GUCY1A2: variants seen among roughly 807,000 people sequenced by gnomAD.
GUCY1A2 encodes guanylate cyclase 1 soluble subunit alpha 2.
GUCY1A2 carries 27 observed loss-of-function variants against 63.5 expected under a neutral mutation model. The ratio of observed to expected loss-of-function variants is 0.43; its 90% CI spans 0.31 to 0.59. GUCY1A2 has a LOEUF of 0.59. GUCY1A2 is among the 20% of genes least tolerant of loss of function. GUCY1A2 has a pLI of 0.11. For missense variants in GUCY1A2, 768 were observed against 913.3 expected (o/e 0.84, Z 2.05); for synonymous variants, 364 against 343.5 (o/e 1.06, Z -0.66).
At chr11:106,757,820 A>C (rs1864000093) in intron 6 of GUCY1A2, among the ~76,000 whole-genome samples, 2 of 152,184 alleles carry the variant, frequency 1.3e-5, no homozygotes, top group South Asian at 4.1e-4. Context: ...CAGTTAGGCT[A>C]CATGGGGGTC....
Position 106,674,881 on chromosome 11 carries a change from G to C in GUCY1A2, c.*12668C>G. 4.6e-6 allele frequency: 1 copy of C among 217,626 alleles called. No individual in the cohort carries two copies. Among genetic ancestry groups the C allele is most frequent in the Non-Finnish European group, 9.2e-6 (1 of 108,242 alleles). 13.5% of individuals were successfully genotyped at this position (217,626 alleles called of 1,614,324 possible). On this transcript the variant is annotated 3_prime_UTR_variant, in exon 8 of 8. Coordinates refer to ENST00000526355, the MANE Select transcript of GUCY1A2 (RefSeq NM_000855.3). ...AATGAAGGCCGAGCACATTATAACT[G>C]TGTGTTTTTATTAAGTGATTTTGGA... is the stretch of plus-strand genomic sequence containing the variant.
intron 4 of GUCY1A2, among the ~76,000 whole-genome samples, chr11:106,931,714 C>G (rs1422173441): frequency 3.3e-5 from 5 of 152,032 alleles, no homozygotes; most frequent in African/African-American, 9.7e-5. Context: ...AACATGATGG[C>G]AAACCAAAAG....
intron 6 of GUCY1A2, among the ~76,000 whole-genome samples, chr11:106,763,324 G>A (rs1226569035): frequency 6.6e-6 from 1 of 151,910 alleles, no homozygotes; most frequent in Non-Finnish European, 1.5e-5. Flanking sequence ...TGGAGACTGA[G>A]GGGTCCCGAG....
chr11:106,959,614 G>C (rs960191049), intron 3 of GUCY1A2, among the ~76,000 whole-genome samples: 3 of 152,120 alleles, frequency 2.0e-5, no homozygotes, highest in Non-Finnish European at 2.9e-5. Context: ...CCTCCGCAAG[G>C]GAAGCTGCTT....
At chr11:106,863,332 G>A (rs1283955628) in intron 4 of GUCY1A2, among the ~76,000 whole-genome samples, 2 of 152,046 alleles carry the variant, frequency 1.3e-5, no homozygotes, top group Non-Finnish European at 2.9e-5. Flanking sequence ...GTAAGGAAGG[G>A]GTCCAGTTTC....
At chr11:106,935,358 C>CAA (rs1860661691) in intron 4 of GUCY1A2, among the ~76,000 whole-genome samples, 1 of 152,108 alleles carries the variant, frequency 6.6e-6, no homozygotes, top group Non-Finnish European at 1.5e-5. Flanking sequence ...GTCAAAGATG[C>CAA]TAAGAATTTT....
chr11:106,693,535 G>A (rs1173670346), intron 7 of GUCY1A2, among the ~76,000 whole-genome samples: 1 of 151,982 alleles, frequency 6.6e-6, no homozygotes, highest in Non-Finnish European at 1.5e-5. Context: ...ATGTCTTTCA[G>A]TTCTAGGAAT....
chr11:107,017,739 C>T lies in GUCY1A2; in HGVS notation c.303+14G>A, dbSNP rs544874824. 2.2e-6 allele frequency: 3 copies of T among 1,373,862 alleles called. No homozygotes were observed. The highest frequency in any genetic ancestry group is 1.7e-5 in the South Asian group (1 of 59,976). The allele number at this position is 1,373,862 out of a possible 1,614,324, so 85.1% of individuals were successfully genotyped here. ...CTCCCCCGAAGGCGGTCCCCCCTTC[C>T]GCCCCCCGCTCACCGAGGGCGCCGT... On this transcript the variant is annotated intron_variant, in intron 1 of 7. Coordinates refer to ENST00000526355, the MANE Select transcript of GUCY1A2 (RefSeq NM_000855.3).
intron 4 of GUCY1A2, among the ~76,000 whole-genome samples, chr11:106,927,404 C>T (rs1860541165): frequency 6.6e-6 from 1 of 151,668 alleles, no homozygotes; most frequent in African/African-American, 2.4e-5. Context: ...GAGAAACAAG[C>T]AAGAGAACTA....
chr11:106,902,472 A>C (rs1294193260), intron 4 of GUCY1A2, among the ~76,000 whole-genome samples: 2 of 152,242 alleles, frequency 1.3e-5, no homozygotes, highest in South Asian at 2.1e-4. Context: ...TCTAGCTATG[A>C]AAGTCCTACC....
Position 106,848,431 on chromosome 11 carries a change from T to C in GUCY1A2, c.1207-37953A>G, listed in dbSNP as rs114647667. On this transcript the variant is annotated intron_variant, in intron 4 of 7. Transcript: ENST00000526355. ...CCAACATTTGATTGGATACTCAACA[T>C]GTACCTGGCAGTGAACCAAGATACA... Among the ~76,000 whole-genome samples the C allele has an allele frequency of 2.6e-3, 390 of 151,742 alleles. 2 individuals carry two copies. Among genetic ancestry groups the C allele is most frequent in the African/African-American group, 8.8e-3 (365 of 41,498 alleles).
chr11:106,710,471 C>T (rs10890568), intron 6 of GUCY1A2, among the ~76,000 whole-genome samples: 73,253 of 144,340 alleles, frequency 0.51, 19,693 homozygotes, highest in African/African-American at 0.69. Context: ...GTACCTAGAG[C>T]AAAGCAGGTA....
At chr11:106,776,042 A>T (rs559198681) in intron 6 of GUCY1A2, among the ~76,000 whole-genome samples, 18 of 152,308 alleles carry the variant, frequency 1.2e-4, no homozygotes, top group African/African-American at 3.8e-4. Flanking sequence ...GAATACCTGT[A>T]TACTATCTAC....
chr11:106,799,494 T>G (rs1024464812), intron 5 of GUCY1A2, among the ~76,000 whole-genome samples: 1 of 152,098 alleles, frequency 6.6e-6, no homozygotes, highest in African/African-American at 2.4e-5. Context: ...CAAACTATAT[T>G]ACAAGGTGAC....
intron 3 of GUCY1A2, among the ~76,000 whole-genome samples, chr11:106,976,385 T>G (rs186325142): frequency 8.5e-5 from 13 of 152,306 alleles, no homozygotes; most frequent in Non-Finnish European, 1.8e-4. Flanking sequence ...ACCAATTCTT[T>G]CATTCTCATA....
At chr11:106,799,001 T>C (rs1054205161) in intron 5 of GUCY1A2, among the ~76,000 whole-genome samples, 4 of 152,228 alleles carry the variant, frequency 2.6e-5, no homozygotes, top group Non-Finnish European at 4.4e-5. Context: ...CATGATTGTA[T>C]ATTTAGAAAA....
rs1862397042 is a variant in GUCY1A2, at chr11:106,679,451, G to A, written c.*8098C>T. The A allele has an allele frequency of 5.1e-6, 1 of 196,196 alleles. No homozygotes were observed. Among genetic ancestry groups the A allele is most frequent in the African/African-American group, 2.3e-5 (1 of 43,204 alleles). The allele number at this position is 196,196 out of a possible 1,614,324, so 12.2% of individuals were successfully genotyped here. On this transcript the variant is annotated 3_prime_UTR_variant, in exon 8 of 8. Transcript: ENST00000526355. ...TTGAGAAGAATGTGAAGAAGAATAT[G>A]GCGTAGAGTACAGCCGCCAAAAGTT...
chr11:106,845,934 T>C (rs1859264670), intron 4 of GUCY1A2, among the ~76,000 whole-genome samples: 1 of 151,734 alleles, frequency 6.6e-6, no homozygotes, highest in South Asian at 2.1e-4. Flanking sequence ...CTAAGTAATT[T>C]AAGATAACAT....
intron 1 of GUCY1A2, among the ~76,000 whole-genome samples, chr11:107,011,836 C>A: frequency 6.6e-6 from 1 of 150,640 alleles, no homozygotes; most frequent in African/African-American, 2.4e-5. Flanking sequence ...AATAGCCAAA[C>A]AAGAAGGCAG....
Sources: gnomAD v4.1 joint callset for allele counts (sites outside exome capture counted in the v4.1 genomes callset) on GRCh38, gnomAD v4.1.1 for gene constraint, MANE v1.5 for transcripts, NCBI Gene and HGNC (gene_info 2026-07-23, HGNC 2026-07-21) for gene names.